Variants in SYN2 observed in about 807,000 individuals in gnomAD.
SYN2 encodes the protein synapsin-2.
Under a neutral mutation model 50.9 loss-of-function variants are expected in SYN2, and 19 were observed. The observed-to-expected ratio is 0.37, with a 90% CI of 0.26 to 0.55. SYN2 has a LOEUF of 0.55. Ranked by LOEUF, SYN2 falls within the 20% of genes least tolerant of loss-of-function variation. The pLI, the probability that SYN2 is intolerant of heterozygous loss-of-function variation, is 0.81. For missense variants in SYN2, 587 were observed against 576.4 expected, an observed-to-expected ratio of 1.02 and a Z score of -0.19; for synonymous variants, 255 against 224.9, an observed-to-expected ratio of 1.13 and a Z score of -1.20.
intron 7 of SYN2, among the ~76,000 whole-genome samples, chr3:12,162,417 G>A (rs923495383): frequency 1.4e-4 from 22 of 152,282 alleles, no homozygotes; most frequent in Non-Finnish European, 3.1e-4. Context: ...CTGTACATAG[G>A]AGTTTGTCAC....
chr3:12,058,289 T>G (rs1695039299), intron 1 of SYN2, among the ~76,000 whole-genome samples: 1 of 152,212 alleles, frequency 6.6e-6, no homozygotes, highest in Non-Finnish European at 1.5e-5. Flanking sequence ...AGATGATTTC[T>G]GAATGATTCC....
intron 1 of SYN2, among the ~76,000 whole-genome samples, chr3:12,099,166 G>C (rs1399175841): frequency 6.6e-6 from 1 of 152,006 alleles, no homozygotes; most frequent in Non-Finnish European, 1.5e-5. Flanking sequence ...TATCTAGACA[G>C]AATATCAACA....
intron 7 of SYN2, among the ~76,000 whole-genome samples, chr3:12,162,637 A>G (rs11923383): frequency 0.11 from 17,377 of 152,194 alleles, 2,044 homozygotes; most frequent in African/African-American, 0.3. Context: ...CATGTACTCT[A>G]TCTTATACAG....
chr3:12,077,181 G>A (rs1695484238), intron 1 of SYN2, among the ~76,000 whole-genome samples: 1 of 152,012 alleles, frequency 6.6e-6, no homozygotes, highest in African/African-American at 2.4e-5. Flanking sequence ...GTAAAGTTAA[G>A]CATTGAGCTT....
At chr3:12,180,815 A>G (rs1054125311) in intron 10 of SYN2, among the ~76,000 whole-genome samples, 2 of 152,196 alleles carry the variant, frequency 1.3e-5, no homozygotes. Context: ...GGTGTCTTAC[A>G]TGTATATTCC....
intron 12 of SYN2, among the ~76,000 whole-genome samples, chr3:12,187,860 G>A (rs2124843669): frequency 6.6e-6 from 1 of 151,758 alleles, no homozygotes; most frequent in East Asian, 1.9e-4. Flanking sequence ...CTAAAGTTTA[G>A]CTAGAAATTC....
At chr3:12,095,038 G>C (rs1695901014) in intron 1 of SYN2, among the ~76,000 whole-genome samples, 1 of 152,114 alleles carries the variant, frequency 6.6e-6, no homozygotes, top group Non-Finnish European at 1.5e-5. Flanking sequence ...AAAAGGCAAA[G>C]TAAGATGGCC....
chr3:12,025,137 AT>A (rs1159420834), intron 1 of SYN2, among the ~76,000 whole-genome samples: 1 of 152,054 alleles, frequency 6.6e-6, no homozygotes, highest in Non-Finnish European at 1.5e-5. Flanking sequence ...TGGTCTCTTC[AT>A]CCCTTTATAA....
At chr3:12,034,643 T>C (rs1400260696) in intron 1 of SYN2, among the ~76,000 whole-genome samples, 1 of 151,838 alleles carries the variant, frequency 6.6e-6, no homozygotes, top group Non-Finnish European at 1.5e-5. Flanking sequence ...AGAGTGAGGG[T>C]TAGAGGGCCA....
rs541032769 is a variant in SYN2, at chr3:12,191,664, G to C, written c.*1039G>C. On this transcript the variant is annotated 3_prime_UTR_variant, in exon 13 of 13. Coordinates refer to ENST00000621198, the MANE Select transcript of SYN2 (RefSeq NM_133625.6). ...GAATCTGTCTCCTCCAAGACACCTAGCCTTCCTTCAGCAACTCAGCGTTTC... is the reference window on the plus strand; with the variant it reads ...GAATCTGTCTCCTCCAAGACACCTACCCTTCCTTCAGCAACTCAGCGTTTC... 1.4e-4 allele frequency among the ~76,000 whole-genome samples: 21 copies of C among 152,144 alleles called. No homozygotes were observed. The highest frequency in any genetic ancestry group is 2.8e-4 in the Non-Finnish European group (19 of 68,016).
chr3:12,120,353 C>G (rs918111526), intron 1 of SYN2, among the ~76,000 whole-genome samples: 7 of 151,998 alleles, frequency 4.6e-5, no homozygotes, highest in African/African-American at 1.7e-4. Flanking sequence ...ATTTTATTGC[C>G]CTTGATGAGA....
chr3:12,009,383 T>C (rs1427392110), intron 1 of SYN2, among the ~76,000 whole-genome samples: 1 of 152,166 alleles, frequency 6.6e-6, no homozygotes, highest in Non-Finnish European at 1.5e-5. Context: ...TTTACTATTT[T>C]CTACCTTTAA....
chr3:12,181,607 CAGTA>C (rs1181640819), intron 10 of SYN2, among the ~76,000 whole-genome samples: 1 of 152,158 alleles, frequency 6.6e-6, no homozygotes, highest in African/African-American at 2.4e-5. Context: ...ACTTGGAACA[CAGTA>C]AGCACGCCAT....
At chr3:12,177,742 A>G (rs918720789) in intron 10 of SYN2, among the ~76,000 whole-genome samples, 6 of 152,240 alleles carry the variant, frequency 3.9e-5, no homozygotes, top group Non-Finnish European at 7.3e-5. Context: ...AGAGAAACTA[A>G]CTATTCTGGG....
chr3:12,183,988 A>G (rs531660178), intron 11 of SYN2: 21 of 986,360 alleles, frequency 2.1e-5, no homozygotes, highest in Non-Finnish European at 2.3e-5. Flanking sequence ...TTCAAGATCA[A>G]ACTTCCATAG....
intron 1 of SYN2, among the ~76,000 whole-genome samples, chr3:12,102,841 T>A (rs959148739): frequency 3.9e-5 from 6 of 152,148 alleles, no homozygotes; most frequent in African/African-American, 1.2e-4. Context: ...TGTTACTGGA[T>A]CATAACAGCC....
At position 12,018,749 on chromosome 3, in the gene SYN2, A is replaced by T. The variant is rs549255976; in HGVS notation, c.377+13821A>T. Among the ~76,000 whole-genome samples, 47 of 152,298 alleles carry T rather than the reference A, an allele frequency of 3.1e-4. 1 individual carries two copies. In the South Asian group the frequency reaches 9.7e-3, roughly 32 times the overall value. On this transcript the variant is annotated intron_variant, in intron 1 of 12. Coordinates refer to ENST00000621198, the MANE Select transcript of SYN2 (RefSeq NM_133625.6). ...TAATTTTACTTGTCCTAATTTCTTCATGAGATAATGTCTATGGGAGGACTT... is the reference window on the plus strand; with the variant it reads ...TAATTTTACTTGTCCTAATTTCTTCTTGAGATAATGTCTATGGGAGGACTT...
At chr3:12,076,495 C>T (rs1258582062) in intron 1 of SYN2, among the ~76,000 whole-genome samples, 1 of 151,592 alleles carries the variant, frequency 6.6e-6, no homozygotes, top group Non-Finnish European at 1.5e-5. Flanking sequence ...ACTAATAATA[C>T]ATATTCACCT....
chr3:12,071,910 G>T (rs1347463577), intron 1 of SYN2, among the ~76,000 whole-genome samples: 1 of 152,178 alleles, frequency 6.6e-6, no homozygotes, highest in Non-Finnish European at 1.5e-5. Flanking sequence ...TGAGTTGGAA[G>T]TGGTTTGTAT....
Sources: allele counts gnomAD v4.1 joint callset (sites outside exome capture counted in the v4.1 genomes callset), GRCh38; gene constraint gnomAD v4.1.1; transcripts MANE v1.5; gene names NCBI Gene and HGNC (gene_info 2026-07-23, HGNC 2026-07-21).